Variants in NRXN1 observed in about 807,000 individuals in gnomAD.
The protein encoded by NRXN1 is neurexin 1.
In NRXN1, 39 loss-of-function variants were observed where a neutral mutation model predicts 150.9. That is an observed-to-expected ratio of 0.26 (90% CI 0.20 to 0.34). NRXN1 has a LOEUF of 0.34. Ranked by LOEUF, NRXN1 falls within the 10% of genes least tolerant of loss-of-function variation. The pLI, the probability that NRXN1 is intolerant of heterozygous loss-of-function variation, is 1.00. For missense variants in NRXN1, 1,815 were observed against 1,949.9 expected, an observed-to-expected ratio of 0.93 and a Z score of 1.30; for synonymous variants, 924 against 757.0, an observed-to-expected ratio of 1.22 and a Z score of -3.62.
At chr2:50,470,073 G>T (rs1251898653) in intron 16 of NRXN1, among the ~76,000 whole-genome samples, 1 of 151,512 alleles carries the variant, frequency 6.6e-6, no homozygotes, top group African/African-American at 2.4e-5. Context: ...GGGTATATCT[G>T]CCTGCTCTCA....
chr2:50,205,290 G>A (rs1334835131), intron 18 of NRXN1, among the ~76,000 whole-genome samples: 2 of 152,194 alleles, frequency 1.3e-5, no homozygotes, highest in East Asian at 1.9e-4. Flanking sequence ...TAGAACATGA[G>A]TGTAAGTGCT....
intron 17 of NRXN1, among the ~76,000 whole-genome samples, chr2:50,418,481 C>A (rs769628824): frequency 3.3e-5 from 5 of 152,060 alleles, no homozygotes; most frequent in Non-Finnish European, 7.4e-5. Context: ...CTTTGAGTGA[C>A]TGGAACGGAG....
intron 5 of NRXN1, among the ~76,000 whole-genome samples, chr2:50,664,215 T>G (rs1331629237): frequency 6.6e-6 from 1 of 151,996 alleles, no homozygotes; most frequent in African/African-American, 2.4e-5. Context: ...CCAAACAGAA[T>G]GCGTAACTTT....
intron 8 of NRXN1, among the ~76,000 whole-genome samples, chr2:50,583,774 C>T (rs1672656541): frequency 6.6e-6 from 1 of 152,214 alleles, no homozygotes; most frequent in South Asian, 2.1e-4. Context: ...TGTCCTAGCC[C>T]TCACCATCTT....
At chr2:49,990,101 TTA>T (rs1491151409) in intron 21 of NRXN1, among the ~76,000 whole-genome samples, 10 of 144,576 alleles carry the variant, frequency 6.9e-5, no homozygotes, top group Non-Finnish European at 1.2e-4. Flanking sequence ...AGCAATAAAT[TTA>T]AAAAAAAAAA....
At chr2:50,059,116 A>G (rs1245707953) in intron 19 of NRXN1, among the ~76,000 whole-genome samples, 3 of 152,134 alleles carry the variant, frequency 2.0e-5, no homozygotes, top group African/African-American at 4.8e-5. Context: ...GATGTGGGAT[A>G]ATTTGGAGCT....
chr2:50,783,373 G>C (rs1463376032), intron 5 of NRXN1, among the ~76,000 whole-genome samples: 2 of 151,988 alleles, frequency 1.3e-5, no homozygotes, highest in Admixed American at 6.6e-5. Context: ...TGGTTACCTG[G>C]GGATCCTTCT....
chr2:50,951,648 G>A (rs1415008998), intron 2 of NRXN1, among the ~76,000 whole-genome samples: 5 of 151,882 alleles, frequency 3.3e-5, no homozygotes, highest in Admixed American at 6.6e-5. Context: ...ATGAGTCACC[G>A]ATGTAACACA....
chr2:50,771,202 A>G (rs1392527487), intron 5 of NRXN1, among the ~76,000 whole-genome samples: 1 of 152,124 alleles, frequency 6.6e-6, no homozygotes, highest in Non-Finnish European at 1.5e-5. Context: ...TGTCAGAACA[A>G]GAAATCTTAT....
chr2:50,855,504 TAAGTTA>T (rs1463010519), intron 5 of NRXN1, among the ~76,000 whole-genome samples: 1 of 151,962 alleles, frequency 6.6e-6, no homozygotes, highest in Non-Finnish European at 1.5e-5. Flanking sequence ...CTTCAAATAG[TAAGTTA>T]ATTTATCTTG....
chr2:50,562,961 A>T (rs553511790), intron 8 of NRXN1, among the ~76,000 whole-genome samples: 1 of 152,276 alleles, frequency 6.6e-6, no homozygotes, highest in South Asian at 2.1e-4. Context: ...TATACGTTAT[A>T]AACATTATAA....
intron 5 of NRXN1, among the ~76,000 whole-genome samples, chr2:50,703,986 T>C (rs1205853327): frequency 2.0e-5 from 3 of 152,108 alleles, no homozygotes; most frequent in Non-Finnish European, 2.9e-5. Flanking sequence ...TATATTAAAA[T>C]ATATCTAGGG....
At chr2:50,348,591 C>T (rs1302620206) in intron 17 of NRXN1, among the ~76,000 whole-genome samples, 2 of 152,080 alleles carry the variant, frequency 1.3e-5, no homozygotes, top group African/African-American at 4.8e-5. Flanking sequence ...CTAGTGCCCC[C>T]AAGGGAAATA....
At chr2:50,841,071 T>A (rs1672795817) in intron 5 of NRXN1, 1 of 152,622 alleles carries the variant, frequency 6.6e-6, no homozygotes, top group South Asian at 2.1e-4. Context: ...CATGTTAATG[T>A]AGAAATAACT....
intron 5 of NRXN1, among the ~76,000 whole-genome samples, chr2:50,879,781 T>A (rs1303109626): frequency 6.6e-6 from 1 of 151,978 alleles, no homozygotes; most frequent in Admixed American, 6.6e-5. Flanking sequence ...TATAGGTAAC[T>A]GTGGATCCAA....
intron 21 of NRXN1, chr2:49,945,195 A>T (rs1223861972): frequency 2.0e-5 from 3 of 152,052 alleles, no homozygotes; most frequent in African/African-American, 7.2e-5. Flanking sequence ...GGATTCATGC[A>T]TTTTGCTGCT....
intron 2 of NRXN1, among the ~76,000 whole-genome samples, chr2:51,016,344 T>G (rs1668660678): frequency 6.6e-6 from 1 of 152,134 alleles, no homozygotes; most frequent in African/African-American, 2.4e-5. Context: ...GAGAAAATTT[T>G]TGAAATCTAT....
At chr2:50,152,602 G>C (rs556431835) in intron 18 of NRXN1, among the ~76,000 whole-genome samples, 1 of 151,856 alleles carries the variant, frequency 6.6e-6, no homozygotes, top group South Asian at 2.1e-4. Context: ...TTGGTTCACA[G>C]TTTTGTTTTG....
At chr2:50,126,663 C>T (rs1037428) in intron 18 of NRXN1, among the ~76,000 whole-genome samples, 39,713 of 151,576 alleles carry the variant, frequency 0.26, 5,655 homozygotes, top group Admixed American at 0.4. Context: ...TTTCTTTTTT[C>T]GTCCCTTTTC....
Sources: gnomAD v4.1 joint callset for allele counts (sites outside exome capture counted in the v4.1 genomes callset) on GRCh38, gnomAD v4.1.1 for gene constraint, MANE v1.5 for transcripts, NCBI Gene and HGNC (gene_info 2026-07-23, HGNC 2026-07-21) for gene names.